The following MYH11 variants were observed in gnomAD, a reference collection of about 807,000 sequenced individuals.
MYH11 encodes the protein myosin heavy chain 11.
Under a neutral mutation model 246.6 loss-of-function variants are expected in MYH11, and 80 were observed. The ratio of observed to expected loss-of-function variants is 0.32; its 90% CI spans 0.27 to 0.39. The LOEUF is 0.39. MYH11 is among the 10% of genes least tolerant of loss of function. The probability of loss-of-function intolerance (pLI) is 1.00; values close to 1 mark genes in which losing one functional copy is unlikely to be tolerated. For synonymous variants in MYH11, 1,071 were observed against 1,015.5 expected (o/e 1.05, Z -1.04); for missense variants, 2,158 against 2,546.8 (o/e 0.85, Z 3.29).
At position 15,828,853 on chromosome 16, in the gene MYH11, GAGAT is replaced by G. The variant is rs566116977; in HGVS notation, c.346-5446_346-5443del. On this transcript the variant is annotated intron_variant, in intron 2 of 40. Coordinates refer to ENST00000300036, the MANE Select transcript of MYH11 (RefSeq NM_002474.3). ...GAAAGAAAGGAAGAAAGAGAGATGA[GAGAT>G]AGAGAAAAGAAAAGAATAAAAGGAA... is the stretch of plus-strand genomic sequence containing the variant. Among the ~76,000 whole-genome samples, 426 of 137,504 alleles carry G rather than the reference GAGAT, an allele frequency of 3.1e-3. 1 individual carries two copies. Among genetic ancestry groups the G allele is most frequent in the Middle Eastern group, 0.011 (3 of 268 alleles). The allele number at this position is 137,504 out of a possible 152,430, so 90.2% of individuals were successfully genotyped here. A position where few individuals can be genotyped will look rare whatever the true frequency, so the allele number is the denominator to read the frequency against.
chr16:15,749,857 C>T, intron 16 of MYH11: 1 of 563,368 alleles, frequency 1.8e-6, no homozygotes. Context: ...CCCCAGCACC[C>T]AGGACAGGGC....
intron 3 of MYH11, among the ~76,000 whole-genome samples, chr16:15,800,472 A>G (rs13339360): frequency 0.49 from 72,789 of 148,716 alleles, 20,931 homozygotes; most frequent in African/African-American, 0.82. Context: ...AGATGGGTAG[A>G]TGGGTGGGTA....
intron 5 of MYH11, chr16:15,786,071 C>A: frequency 3.8e-6 from 1 of 262,524 alleles, no homozygotes; most frequent in South Asian, 4.7e-5. Flanking sequence ...GACAGGGGGA[C>A]ACGTGGAGGA....
intron 12 of MYH11, among the ~76,000 whole-genome samples, chr16:15,758,641 C>CAA (rs35340074): frequency 3.2e-5 from 4 of 125,698 alleles, no homozygotes; most frequent in African/African-American, 5.9e-5. Context: ...CTGTCTCTAC[C>CAA]AAAAAAAAAA....
At chr16:15,850,730 A>C (rs1436920562) in intron 1 of MYH11, among the ~76,000 whole-genome samples, 1 of 152,050 alleles carries the variant, frequency 6.6e-6, no homozygotes, top group African/African-American at 2.4e-5. Flanking sequence ...CCCCATCTCT[A>C]CAGAAAATAC....
intron 1 of MYH11, among the ~76,000 whole-genome samples, chr16:15,851,197 G>GGAGGCATCAAATGTGTCGCAGGGA (rs1396767580): frequency 1.4e-4 from 21 of 152,122 alleles, no homozygotes; most frequent in Admixed American, 1.4e-3. Flanking sequence ...CCAGGTGTAG[G>GGAGGCATCAAATGTGTCGCAGGGA]GAGGCATCAA....
chr16:15,773,977 C>T (rs917195558), intron 8 of MYH11, among the ~76,000 whole-genome samples: 2 of 152,138 alleles, frequency 1.3e-5, no homozygotes, highest in Non-Finnish European at 2.9e-5. Context: ...CCCTCCAATA[C>T]ATCAAGGATC....
intron 10 of MYH11, among the ~76,000 whole-genome samples, chr16:15,761,135 G>C (rs1452480145): frequency 6.6e-6 from 1 of 152,150 alleles, no homozygotes; most frequent in Non-Finnish European, 1.5e-5. Flanking sequence ...TTTGGAGACA[G>C]AGTCTCGCTC....
chr16:15,717,238 G>A lies in MYH11; in HGVS notation c.5406C>T (p.His1802=), dbSNP rs746211825. Residue 1802 remains histidine (H), a synonymous_variant, in exon 38 of 41, where the codon CAC becomes CAT. Coordinates refer to ENST00000300036, the MANE Select transcript of MYH11 (RefSeq NM_002474.3). ...TGGACTTGACGGCCCCCTCCATCTC[G>A]TGGAGCTTGCTCCGGAGCTCCTTGT... ...RQNKELRSKL[H]EMEGAVKSKF... is the part of the protein sequence containing the mutation. 1.4e-5 allele frequency: 22 copies of A among 1,614,026 alleles called. No individual in the cohort carries two copies. Among genetic ancestry groups the A allele is most frequent in the East Asian group, 2.2e-5 (1 of 44,892 alleles).
At chr16:15,782,952 A>G (rs1003292318) in intron 5 of MYH11, 1 of 163,178 alleles carries the variant, frequency 6.1e-6, no homozygotes, top group Non-Finnish European at 1.4e-5. Flanking sequence ...TTAAGTTGCA[A>G]TTTTTTCTTT....
chr16:15,734,560 C>G (rs1163327921), intron 26 of MYH11, among the ~76,000 whole-genome samples: 2 of 152,180 alleles, frequency 1.3e-5, no homozygotes, highest in Non-Finnish European at 2.9e-5. Flanking sequence ...TTTGGCCTCC[C>G]AAAGTGCTGA....
intron 10 of MYH11, among the ~76,000 whole-genome samples, chr16:15,763,098 T>C (rs1446102186): frequency 1.3e-5 from 2 of 152,196 alleles, no homozygotes; most frequent in Non-Finnish European, 2.9e-5. Context: ...AATACTCTTT[T>C]GGTATAATCA....
At chr16:15,723,961 G>C (rs955307180) in intron 31 of MYH11, among the ~76,000 whole-genome samples, 200 bp downstream of exon 31, 1 of 152,178 alleles carries the variant, frequency 6.6e-6, no homozygotes, top group Admixed American at 6.5e-5. Context: ...AGTCATCAAG[G>C]CTTCTTTGCC....
At position 15,782,372 on chromosome 16, in the gene MYH11, C is replaced by T; in HGVS notation, c.726+13G>A. The T allele has an allele frequency of 6.2e-7, 1 of 1,612,282 alleles. No homozygotes were observed. The highest frequency in any genetic ancestry group is 8.5e-7 in the Non-Finnish European group (1 of 1,178,356). On this transcript the variant is annotated intron_variant, in intron 6 of 40. Transcript: ENST00000300036. ...AAGCTTTTCTGGAAAATCCATGTGGCTTTGCTACTTACGAATCGTGAGGAG... is the reference window on the plus strand; with the variant it reads ...AAGCTTTTCTGGAAAATCCATGTGGTTTTGCTACTTACGAATCGTGAGGAG...
At position 15,717,148 on chromosome 16, in the gene MYH11, C is replaced by G. The variant is rs553162576; in HGVS notation, c.5496G>C (p.Gln1832His). The G allele has an allele frequency of 3.9e-5, 63 of 1,614,108 alleles. No individual in the cohort carries two copies. The South Asian group carries it at 6.7e-4, about 17-fold the overall frequency. ...KIAQLEEQVE[Q>H]EAREKQAATK... ...ACTCCACACCCGCATACCTGGCCTC[C>G]TGCTCGACCTGCTCCTCCAGCTGTG... The change falls in exon 38 of 41, where the codon CAG (glutamine) becomes CAC (histidine). Residue 1832 changes from glutamine (Q) to histidine (H), a missense_variant. This residue lies in a region of MYH11 where 1,013 missense variants were observed against 993.5 expected (regional missense o/e 1.02). Transcript: ENST00000300036.
chr16:15,742,589 G>C (rs969809401), intron 20 of MYH11, among the ~76,000 whole-genome samples: 1 of 151,916 alleles, frequency 6.6e-6, no homozygotes. Flanking sequence ...CAAGTAACCA[G>C]GCATGGTGGT....
At chr16:15,766,820 A>G (rs755003984) in intron 9 of MYH11, among the ~76,000 whole-genome samples, 1 of 152,252 alleles carries the variant, frequency 6.6e-6, no homozygotes, top group South Asian at 2.1e-4. Context: ...CTCCCAGGCC[A>G]TAAGAGATGA....
At chr16:15,801,445 C>G (rs1219236059) in intron 3 of MYH11, among the ~76,000 whole-genome samples, 1 of 151,942 alleles carries the variant, frequency 6.6e-6, no homozygotes, top group Admixed American at 6.6e-5. Context: ...CACTTGAGGC[C>G]AGGAGTTCCA....
intron 5 of MYH11, 43 bp downstream of exon 5, chr16:15,786,587 C>G: frequency 1.9e-6 from 3 of 1,563,904 alleles, no homozygotes; most frequent in Non-Finnish European, 1.8e-6. Context: ...AGCTGGAGAC[C>G]GGTTGGCTAA....
Sources: allele counts gnomAD v4.1 joint callset (sites outside exome capture counted in the v4.1 genomes callset), GRCh38; gene constraint gnomAD v4.1.1; regional missense constraint gnomAD v4.1.1; transcripts MANE v1.5; gene names NCBI Gene and HGNC (gene_info 2026-07-23, HGNC 2026-07-21).